The following AFAP1 variants were observed in gnomAD, a reference collection of about 807,000 sequenced individuals.
The protein encoded by AFAP1 is actin filament associated protein 1.
In AFAP1, 75 loss-of-function variants were observed where a neutral mutation model predicts 93.9. The observed-to-expected ratio is 0.80, with a 90% CI of 0.66 to 0.97. AFAP1 has a LOEUF of 0.97. Among genes scored for constraint, AFAP1 ranks in the 50% least tolerant of loss-of-function variants. AFAP1 has a pLI of 0.00. For missense variants in AFAP1, 1,201 were observed against 1,050.8 expected (o/e 1.14, Z -1.98); for synonymous variants, 517 against 430.7 (o/e 1.20, Z -2.48).
intron 1 of AFAP1, among the ~76,000 whole-genome samples, chr4:7,893,190 C>G (rs1045559568): frequency 6.6e-6 from 1 of 152,160 alleles, no homozygotes; most frequent in Non-Finnish European, 1.5e-5. Context: ...CCCTTTCCAT[C>G]AGGAAAATCA....
intron 1 of AFAP1, among the ~76,000 whole-genome samples, chr4:7,886,349 G>T (rs781406874): frequency 1.2e-4 from 18 of 152,180 alleles, no homozygotes; most frequent in Non-Finnish European, 2.1e-4. Context: ...CCTAAAAAGG[G>T]AAAGCAAATC....
chr4:7,931,778 TA>T (rs1721081209), intron 1 of AFAP1, among the ~76,000 whole-genome samples: 1 of 152,132 alleles, frequency 6.6e-6, no homozygotes, highest in East Asian at 1.9e-4. Context: ...TGGATGCATA[TA>T]CACAAAATTT....
intron 1 of AFAP1, among the ~76,000 whole-genome samples, chr4:7,875,104 C>T (rs116201586): frequency 6.6e-6 from 1 of 152,290 alleles, no homozygotes; most frequent in African/African-American, 2.4e-5. Context: ...ATAGGTCATG[C>T]AGCTCAACTG....
intron 17 of AFAP1, among the ~76,000 whole-genome samples, chr4:7,765,327 C>G (rs1714401957): frequency 6.6e-6 from 1 of 152,186 alleles, no homozygotes; most frequent in African/African-American, 2.4e-5. Flanking sequence ...CCTCATGCAT[C>G]CTGAGGACCA....
At chr4:7,871,802 A>C in intron 2 of AFAP1, 150 bp downstream of exon 2, 1 of 1,123,574 alleles carries the variant, frequency 8.9e-7, no homozygotes, top group Non-Finnish European at 1.2e-6. Context: ...AACTTGGCAC[A>C]AGTGTAAACC....
intron 6 of AFAP1, among the ~76,000 whole-genome samples, chr4:7,825,950 T>C (rs1005766741): frequency 1.4e-5 from 2 of 138,088 alleles, no homozygotes; most frequent in Non-Finnish European, 1.5e-5. Context: ...CAAGTGGATA[T>C]GCTTAAAAAA....
chr4:7,853,886 T>C (rs1318182057), intron 4 of AFAP1, among the ~76,000 whole-genome samples: 1 of 152,136 alleles, frequency 6.6e-6, no homozygotes, highest in African/African-American at 2.4e-5. Context: ...TGTCTCCTCA[T>C]TCCCCAGGCG....
intron 1 of AFAP1, among the ~76,000 whole-genome samples, chr4:7,872,938 T>TAA (rs1426648005): frequency 7.4e-4 from 101 of 135,910 alleles, no homozygotes; most frequent in South Asian, 4.4e-3. Flanking sequence ...TTTTTTTTTT[T>TAA]TAAAAAAAAA....
chr4:7,803,848 A>G (rs1020604721), intron 9 of AFAP1, among the ~76,000 whole-genome samples: 1 of 152,042 alleles, frequency 6.6e-6, no homozygotes, highest in African/African-American at 2.4e-5. Context: ...TTATCGTAAT[A>G]CCCCCAATTT....
At chr4:7,845,411 G>GATTATT (rs138117791) in intron 4 of AFAP1, among the ~76,000 whole-genome samples, 18 of 145,158 alleles carry the variant, frequency 1.2e-4, no homozygotes, top group African/African-American at 3.7e-4. Flanking sequence ...AACAGAACAA[G>GATTATT]ATTATTATTA....
intron 7 of AFAP1, among the ~76,000 whole-genome samples, chr4:7,817,765 TA>T (rs10623745): frequency 4.9e-4 from 71 of 146,122 alleles, no homozygotes; most frequent in East Asian, 2.6e-3. Context: ...AAAGGTTAAG[TA>T]AAAAAAAAAA....
chr4:7,930,527 T>C (rs1721010332), intron 1 of AFAP1, among the ~76,000 whole-genome samples: 1 of 152,160 alleles, frequency 6.6e-6, no homozygotes, highest in South Asian at 2.1e-4. Context: ...TGAACCTGTC[T>C]AGGGGCCCAA....
At chr4:7,817,934 A>G (rs999648931) in intron 7 of AFAP1, among the ~76,000 whole-genome samples, 1 of 152,124 alleles carries the variant, frequency 6.6e-6, no homozygotes, top group Non-Finnish European at 1.5e-5. Flanking sequence ...TTATGTTTCT[A>G]TGAGCTTTCT....
chr4:7,837,951 T>A (rs2149105091), intron 6 of AFAP1, among the ~76,000 whole-genome samples: 1 of 152,114 alleles, frequency 6.6e-6, no homozygotes, highest in Non-Finnish European at 1.5e-5. Context: ...GAGGCAGAGG[T>A]TGCAGTGAAC....
chr4:7,837,095 A>G (rs1161457384), intron 6 of AFAP1, among the ~76,000 whole-genome samples: 1 of 152,220 alleles, frequency 6.6e-6, no homozygotes, highest in Non-Finnish European at 1.5e-5. Context: ...AACGTCAAGT[A>G]AACGTTTCTA....
intron 3 of AFAP1, among the ~76,000 whole-genome samples, chr4:7,858,930 T>C (rs1051117727): frequency 1.3e-5 from 2 of 152,150 alleles, no homozygotes; most frequent in Non-Finnish European, 2.9e-5. Flanking sequence ...TCCCAAAGGA[T>C]AAAGGACGTG....
Position 7,939,521 on chromosome 4 carries a change from C to T in AFAP1, c.-3+135G>A, listed in dbSNP as rs1011081258. The T allele has an allele frequency of 5.7e-6, 2 of 352,460 alleles. No individual in the cohort carries two copies. The highest frequency in any genetic ancestry group is 1.1e-5 in the Non-Finnish European group (2 of 180,606). The allele number at this position is 352,460 out of a possible 1,614,324, so 21.8% of individuals were successfully genotyped here. ...GGCGTCGCAGCAGGCGCGGAGCCCCCGGTACCACCCGAGGCCGAGACAAAG... is the reference window on the plus strand; with the variant it reads ...GGCGTCGCAGCAGGCGCGGAGCCCCTGGTACCACCCGAGGCCGAGACAAAG... On this transcript the variant is annotated intron_variant, in intron 1 of 17. Coordinates refer to ENST00000420658, the MANE Select transcript of AFAP1 (RefSeq NM_001134647.2). The surrounding 1 kb of genome is among the most constrained non-coding windows in gnomAD (Gnocchi z 5.6).
chr4:7,923,564 C>T (rs1323667538), intron 1 of AFAP1, among the ~76,000 whole-genome samples: 1 of 152,148 alleles, frequency 6.6e-6, no homozygotes, highest in Non-Finnish European at 1.5e-5. Context: ...CTGCAACCTC[C>T]GACTCCCTAG....
At position 7,868,707 on chromosome 4, in the gene AFAP1, T is replaced by C. The variant is rs778020395; in HGVS notation, c.140A>G (p.Lys47Arg). Residue 47 changes from lysine (K) to arginine (R), a missense_variant, in exon 3 of 18, where the codon AAG (lysine) becomes AGG (arginine). Physicochemically the swap from Lys to Arg is conservative, Grantham distance 26. Coordinates refer to ENST00000420658, the MANE Select transcript of AFAP1 (RefSeq NM_001134647.2). ...GGTCTCCTGCTTCTGAGCATGGTCC[T>C]TCACATCAAAACCTGTAAGAATTAA... ...RIQSSKGFDV[K>R]DHAQKQETAN... The C allele has an allele frequency of 1.2e-6, 2 of 1,613,400 alleles. No homozygotes were observed. Among genetic ancestry groups the C allele is most frequent in the South Asian group, 1.1e-5 (1 of 91,046 alleles).
Sources: allele counts gnomAD v4.1 joint callset (sites outside exome capture counted in the v4.1 genomes callset), GRCh38; gene constraint gnomAD v4.1.1; non-coding constraint Gnocchi (gnomAD v3.1); transcripts MANE v1.5; gene names NCBI Gene and HGNC (gene_info 2026-07-23, HGNC 2026-07-21).